TNIK: variants seen among roughly 807,000 people sequenced by gnomAD.
TNIK encodes the protein TRAF2 and NCK interacting kinase, also known as TRAF2 and NCK-interacting protein kinase.
A neutral mutation model predicts 191.3 loss-of-function variants in TNIK; 49 were observed. That is an observed-to-expected ratio of 0.26 (90% confidence interval 0.20 to 0.32). TNIK has a LOEUF of 0.32. Ranked by LOEUF, TNIK falls within the 10% of genes least tolerant of loss-of-function variation. The pLI, the probability that TNIK is intolerant of heterozygous loss-of-function variation, is 1.00. For missense variants in TNIK, 1,155 were observed against 1,702.3 expected (o/e 0.68, Z 5.66); for synonymous variants, 594 against 600.9 (o/e 0.99, Z 0.17).
At chr3:171,406,663 C>A (rs1245128441) in intron 1 of TNIK, among the ~76,000 whole-genome samples, 1 of 152,186 alleles carries the variant, frequency 6.6e-6, no homozygotes, top group Non-Finnish European at 1.5e-5. Context: ...GAAGTCCTGG[C>A]CTCAGGTGAT....
chr3:171,309,564 A>G (rs1025792151), intron 2 of TNIK, among the ~76,000 whole-genome samples: 8 of 152,180 alleles, frequency 5.3e-5, no homozygotes, highest in Non-Finnish European at 1.0e-4. Flanking sequence ...CAAAGTTTAA[A>G]AAAATGCTTC....
chr3:171,128,887 C>CCAAAA lies in TNIK; in HGVS notation c.1609-10_1609-9insTTTTG, dbSNP rs775289646. On this transcript the variant is annotated splice_polypyrimidine_tract_variant and intron_variant, in intron 15 of 32. Transcript: ENST00000436636. ...CTTGACCGTTCTTCTACCTACAACC[C>CCAAAA]AAAAAAAAAAAAAAAAAAAAGACAG... 37 of 1,245,212 alleles carry CCAAAA rather than the reference C, an allele frequency of 3.0e-5. No individual in the cohort carries two copies. The highest frequency in any genetic ancestry group is 3.3e-5 in the Non-Finnish European group (33 of 994,350). 77.1% of individuals were successfully genotyped at this position (1,245,212 alleles called of 1,614,324 possible).
chr3:171,225,670 A>T (rs975848594), intron 3 of TNIK: 11 of 454,902 alleles, frequency 2.4e-5, no homozygotes, highest in African/African-American at 6.0e-5. Flanking sequence ...TGGGAAAAAT[A>T]ACTGTGTAAC....
At chr3:171,253,172 T>G (rs1249551992) in intron 2 of TNIK, among the ~76,000 whole-genome samples, 3 of 150,886 alleles carry the variant, frequency 2.0e-5, no homozygotes, top group African/African-American at 7.3e-5. Flanking sequence ...TAGTCCCAGC[T>G]GCTTGGGAGG....
rs554744306 is a variant in TNIK at position 171,441,719 on chromosome 3, A to T, written c.57+18288T>A. Among the ~76,000 whole-genome samples the T allele has an allele frequency of 2.0e-5, 3 of 152,250 alleles. No individual in the cohort carries two copies. The South Asian group carries it at 6.2e-4, about 32-fold the overall frequency. The stretch of plus-strand genomic sequence containing the variant: ...TGTAGTAAGTTTAACTTTTTCAGAA[A>T]TAGCCAAACTGTTTTTCAAAGTGGC... On this transcript the variant is annotated intron_variant, in intron 1 of 32. Coordinates refer to ENST00000436636, the MANE Select transcript of TNIK (RefSeq NM_015028.4).
chr3:171,315,771 T>C (rs1056734886), intron 2 of TNIK, among the ~76,000 whole-genome samples: 1 of 152,150 alleles, frequency 6.6e-6, no homozygotes, highest in East Asian at 1.9e-4. Context: ...CATTCCCCAC[T>C]GTGTCTGTGT....
chr3:171,402,734 A>T (rs1365513781), intron 1 of TNIK, among the ~76,000 whole-genome samples: 2 of 152,152 alleles, frequency 1.3e-5, no homozygotes, highest in Non-Finnish European at 2.9e-5. Context: ...AAATTTAGGA[A>T]TTTTTTCTAT....
intron 2 of TNIK, among the ~76,000 whole-genome samples, chr3:171,244,721 T>C (rs1745394761): frequency 6.6e-6 from 1 of 151,934 alleles, no homozygotes; most frequent in Non-Finnish European, 1.5e-5. Flanking sequence ...AACTTCATTA[T>C]TGTATTTCAT....
At chr3:171,393,352 C>T (rs1719817405) in intron 1 of TNIK, among the ~76,000 whole-genome samples, 1 of 152,166 alleles carries the variant, frequency 6.6e-6, no homozygotes, top group Non-Finnish European at 1.5e-5. Context: ...ACAAGAAAGG[C>T]CCTAGATTCA....
intron 23 of TNIK, among the ~76,000 whole-genome samples, chr3:171,088,391 C>T (rs1385578120): frequency 6.6e-6 from 1 of 152,094 alleles, no homozygotes; most frequent in Middle Eastern, 3.2e-3. Flanking sequence ...TGTGCTACCA[C>T]ACCCGGCTAA....
intron 15 of TNIK, among the ~76,000 whole-genome samples, chr3:171,137,912 G>GT (rs1211132016): frequency 6.9e-6 from 1 of 143,920 alleles, no homozygotes; most frequent in Non-Finnish European, 1.5e-5. Context: ...CAGAAAAAAG[G>GT]TTTTTTCTAT....
At chr3:171,116,631 A>G (rs914058912) in intron 18 of TNIK, among the ~76,000 whole-genome samples, 1 of 152,222 alleles carries the variant, frequency 6.6e-6, no homozygotes, top group Admixed American at 6.5e-5. Context: ...AGTCATAAGA[A>G]AATAGGTTTG....
chr3:171,090,830 A>C (rs1384056873), intron 23 of TNIK, among the ~76,000 whole-genome samples: 2 of 152,214 alleles, frequency 1.3e-5, no homozygotes, highest in Admixed American at 1.3e-4. Flanking sequence ...AAATTTGTGC[A>C]TCTGACAGGA....
chr3:171,123,778 C>A, intron 17 of TNIK, 76 bp from the exon 18 acceptor site: 1 of 1,098,534 alleles, frequency 9.1e-7, no homozygotes, highest in Non-Finnish European at 1.3e-6. Flanking sequence ...TCCTCCTTTC[C>A]AATGATTTGC....
intron 2 of TNIK, among the ~76,000 whole-genome samples, chr3:171,318,689 G>GAAA (rs1467550870): frequency 1.3e-5 from 2 of 151,758 alleles, no homozygotes; most frequent in Non-Finnish European, 2.9e-5. Flanking sequence ...TTTTTTAATT[G>GAAA]AAAAAAAGCA....
intron 18 of TNIK, among the ~76,000 whole-genome samples, chr3:171,119,581 G>T (rs1288077162): frequency 6.6e-6 from 1 of 152,168 alleles, no homozygotes; most frequent in African/African-American, 2.4e-5. Flanking sequence ...TTAAGAAAAT[G>T]TGGCACATAT....
At chr3:171,185,178 C>CGTGTGTGTGTGTGTGTGTGTGTGTGTGT (rs148499254) in intron 7 of TNIK, among the ~76,000 whole-genome samples, 12 of 145,872 alleles carry the variant, frequency 8.2e-5, no homozygotes, top group Admixed American at 3.4e-4. Flanking sequence ...ATAGATTTCC[C>CGTGTGTGTGTGTGTGTGTGTGTGTGTGT]GTGTGTGTGT....
chr3:171,284,218 C>A (rs1311113622), intron 2 of TNIK, among the ~76,000 whole-genome samples: 1 of 152,028 alleles, frequency 6.6e-6, no homozygotes, highest in Non-Finnish European at 1.5e-5. Flanking sequence ...CATTCTAGAG[C>A]AACACAATTT....
At chr3:171,213,373 G>T (rs138894135) in intron 3 of TNIK, among the ~76,000 whole-genome samples, 3 of 152,100 alleles carry the variant, frequency 2.0e-5, no homozygotes, top group Non-Finnish European at 2.9e-5. Context: ...AGGCAACTAC[G>T]TGAGGTAATA....
Sources: allele counts gnomAD v4.1 joint callset (sites outside exome capture counted in the v4.1 genomes callset), GRCh38; gene constraint gnomAD v4.1.1; transcripts MANE v1.5; gene names NCBI Gene and HGNC (gene_info 2026-07-23, HGNC 2026-07-21).